Variants in PTPRD observed in about 807,000 individuals in gnomAD.
PTPRD encodes receptor-type tyrosine-protein phosphatase delta.
A neutral mutation model predicts 214.5 loss-of-function variants in PTPRD; 34 were observed. That is an observed-to-expected ratio of 0.16 (90% CI 0.12 to 0.21). The LOEUF (loss-of-function observed/expected upper bound fraction) is 0.21. Among genes scored for constraint, PTPRD ranks in the 10% least tolerant of loss-of-function variants. PTPRD has a pLI of 1.00. For synonymous variants in PTPRD, 1,128 were observed against 845.7 expected, an observed-to-expected ratio of 1.33 and a Z score of -5.79; for missense variants, 2,545 against 2,398.7, an observed-to-expected ratio of 1.06 and a Z score of -1.27.
intron 8 of PTPRD, among the ~76,000 whole-genome samples, chr9:9,547,230 C>T (rs141302823): frequency 1.3e-4 from 20 of 152,190 alleles, no homozygotes; most frequent in African/African-American, 3.1e-4. Context: ...AGAAAAAGTA[C>T]GCAGTCATCC....
chr9:9,321,043 A>C (rs767743737), intron 9 of PTPRD, among the ~76,000 whole-genome samples: 8 of 152,206 alleles, frequency 5.3e-5, no homozygotes, highest in Non-Finnish European at 1.2e-4. Context: ...TGATTACAGC[A>C]TCAGTGAAAA....
At chr9:9,621,417 T>C (rs182499066) in intron 7 of PTPRD, among the ~76,000 whole-genome samples, 2 of 152,282 alleles carry the variant, frequency 1.3e-5, no homozygotes, top group East Asian at 3.9e-4. Context: ...TTTTCTCCTA[T>C]CAATAAATAT....
intron 11 of PTPRD, among the ~76,000 whole-genome samples, chr9:8,933,194 G>T (rs886338703): frequency 6.6e-6 from 1 of 151,916 alleles, no homozygotes; most frequent in Admixed American, 6.6e-5. Flanking sequence ...TTCATGGGCT[G>T]CACCCACTCT....
intron 14 of PTPRD, among the ~76,000 whole-genome samples, chr9:8,613,365 A>C (rs900005717): frequency 2.6e-5 from 4 of 152,172 alleles, no homozygotes; most frequent in African/African-American, 9.7e-5. Flanking sequence ...TAAGGGTGTA[A>C]ACATTATAAT....
At chr9:8,564,785 C>G (rs551955930) in intron 14 of PTPRD, among the ~76,000 whole-genome samples, 1 of 152,168 alleles carries the variant, frequency 6.6e-6, no homozygotes, top group South Asian at 2.1e-4. Flanking sequence ...TTTTATTTAT[C>G]CAAATGCATA....
chr9:8,799,307 G>C (rs1286412406), intron 11 of PTPRD, among the ~76,000 whole-genome samples: 4 of 152,188 alleles, frequency 2.6e-5, no homozygotes, highest in African/African-American at 9.7e-5. Flanking sequence ...AAGTGTTTCA[G>C]TTTTGTTGTA....
chr9:9,756,306 T>A (rs1352515741), intron 6 of PTPRD, among the ~76,000 whole-genome samples: 2 of 152,202 alleles, frequency 1.3e-5, no homozygotes, highest in East Asian at 3.9e-4. Flanking sequence ...TTGTGATGAC[T>A]TTGATCCACA....
At chr9:8,379,870 C>G (rs1401833415) in intron 37 of PTPRD, among the ~76,000 whole-genome samples, 1 of 152,140 alleles carries the variant, frequency 6.6e-6, no homozygotes, top group Non-Finnish European at 1.5e-5. Flanking sequence ...CAGGCAGAGT[C>G]TCCCTGGATG....
chr9:8,401,990 A>C (rs1036319864), intron 36 of PTPRD, among the ~76,000 whole-genome samples: 1 of 152,236 alleles, frequency 6.6e-6, no homozygotes, highest in African/African-American at 2.4e-5. Context: ...AGCTGTCTTT[A>C]GAGGAGAAGC....
intron 5 of PTPRD, among the ~76,000 whole-genome samples, chr9:9,854,410 G>C (rs1201070476): frequency 6.6e-6 from 1 of 152,012 alleles, no homozygotes; most frequent in African/African-American, 2.4e-5. Flanking sequence ...GACAGAGTGA[G>C]GGTTGGGAAA....
At chr9:9,437,712 G>C (rs546457937) in intron 8 of PTPRD, among the ~76,000 whole-genome samples, 3 of 152,196 alleles carry the variant, frequency 2.0e-5, no homozygotes, top group Admixed American at 2.0e-4. Flanking sequence ...GTGTATCCAT[G>C]GTGGTATATC....
chr9:10,042,886 T>C (rs1169123279), intron 3 of PTPRD, among the ~76,000 whole-genome samples: 1 of 151,974 alleles, frequency 6.6e-6, no homozygotes, highest in African/African-American at 2.4e-5. Flanking sequence ...CTTTACCTAA[T>C]ATGAATGTAT....
chr9:10,511,187 G>A (rs143400951), intron 2 of PTPRD, among the ~76,000 whole-genome samples: 2 of 152,236 alleles, frequency 1.3e-5, no homozygotes, highest in East Asian at 3.9e-4. Flanking sequence ...GTATGTGTGA[G>A]TTATTTACAA....
At chr9:9,264,898 G>GAA (rs34152157) in intron 9 of PTPRD, among the ~76,000 whole-genome samples, 7 of 141,426 alleles carry the variant, frequency 4.9e-5, no homozygotes, top group Non-Finnish European at 7.7e-5. Context: ...AGTGATGAAA[G>GAA]AAAAAAAAAA....
intron 12 of PTPRD, among the ~76,000 whole-genome samples, chr9:8,679,991 A>G (rs953194927): frequency 6.6e-6 from 1 of 152,230 alleles, no homozygotes; most frequent in Non-Finnish European, 1.5e-5. Flanking sequence ...TCTCATTAAA[A>G]TCCTTAATGT....
At chr9:9,015,476 C>T (rs2099530876) in intron 11 of PTPRD, among the ~76,000 whole-genome samples, 1 of 152,126 alleles carries the variant, frequency 6.6e-6, no homozygotes, top group African/African-American at 2.4e-5. Context: ...AAAGGGGAGG[C>T]ATGAATAATC....
In PTPRD at chr9:9,239,688, G is replaced by T. The variant is rs780210841; in HGVS notation, c.-202-56325C>A. 1.1e-3 allele frequency among the ~76,000 whole-genome samples: 170 copies of T among 152,252 alleles called. 1 individual carries two copies. Among genetic ancestry groups the T allele is most frequent in the Middle Eastern group, 3.4e-3 (1 of 294 alleles). On this transcript the variant is annotated intron_variant, in intron 9 of 45. Transcript: ENST00000381196. ...GCAGATGGCCATGGTACAGCCTGAA[G>T]ACATTTGTGTATCTATAGCACCTGG... is the stretch of plus-strand genomic sequence containing the variant.
At chr9:9,947,605 ATTTT>A (rs1314971376) in intron 4 of PTPRD, among the ~76,000 whole-genome samples, 46 of 63,010 alleles carry the variant, frequency 7.3e-4, no homozygotes, top group African/African-American at 2.4e-3. Flanking sequence ...TAATATATAT[ATTTT>A]ATATATATAT....
At chr9:9,696,049 A>C (rs932069245) in intron 7 of PTPRD, among the ~76,000 whole-genome samples, 3 of 151,998 alleles carry the variant, frequency 2.0e-5, no homozygotes, top group East Asian at 1.9e-4. Context: ...GAGACTTTTT[A>C]TTACAGCTTC....
Sources: gnomAD v4.1 joint callset for allele counts (sites outside exome capture counted in the v4.1 genomes callset) on GRCh38, gnomAD v4.1.1 for gene constraint, MANE v1.5 for transcripts, NCBI Gene and HGNC (gene_info 2026-07-23, HGNC 2026-07-21) for gene names.